Variants in FRMD4B observed in about 807,000 individuals in gnomAD.
The protein encoded by FRMD4B is FERM domain-containing protein 4B.
A neutral mutation model predicts 141.5 loss-of-function variants in FRMD4B; 74 were observed. That is an observed-to-expected ratio of 0.52 (90% CI 0.43 to 0.63). The LOEUF is 0.63. Ranked by LOEUF, FRMD4B falls within the 30% of genes least tolerant of loss-of-function variation. The pLI is 0.00. For missense variants in FRMD4B, 1,366 were observed against 1,253.4 expected (o/e 1.09, Z -1.36); for synonymous variants, 506 against 467.9 (o/e 1.08, Z -1.05).
intron 8 of FRMD4B, among the ~76,000 whole-genome samples, chr3:69,224,018 G>A (rs1299374385): frequency 6.6e-6 from 1 of 151,914 alleles, no homozygotes; most frequent in Non-Finnish European, 1.5e-5. Context: ...ACATTTTAGT[G>A]GAAAGAAAAA....
chr3:69,254,394 C>A (rs1310819558), intron 5 of FRMD4B, among the ~76,000 whole-genome samples: 1 of 152,108 alleles, frequency 6.6e-6, no homozygotes, highest in African/African-American at 2.4e-5. Flanking sequence ...CAGGCGTGAG[C>A]CACCGTACCC....
chr3:69,425,409 A>G (rs1204517448), intron 2 of FRMD4B, among the ~76,000 whole-genome samples: 1 of 152,208 alleles, frequency 6.6e-6, no homozygotes, highest in Non-Finnish European at 1.5e-5. Context: ...ACCTGAAACT[A>G]GTGCTAGAAG....
At chr3:69,472,936 TTC>T (rs765936210) in intron 1 of FRMD4B, among the ~76,000 whole-genome samples, 2,749 of 117,926 alleles carry the variant, frequency 0.023, 163 homozygotes, top group African/African-American at 0.095. Flanking sequence ...TTTTTTTTTT[TTC>T]TTTTTTTTTT....
rs564246452 is a variant in FRMD4B at position 69,257,992 on chromosome 3, A to AT, written c.502-7894dup. 4.5e-3 allele frequency among the ~76,000 whole-genome samples: 674 copies of AT among 151,132 alleles called. 3 individuals carry two copies. Among genetic ancestry groups the AT allele is most frequent in the African/African-American group, 0.014 (595 of 41,266 alleles). On this transcript the variant is annotated intron_variant, in intron 5 of 22. Coordinates refer to ENST00000398540, the MANE Select transcript of FRMD4B (RefSeq NM_015123.3). ...CAGGTGCGTGCCACCACACCAGGCT[A>AT]TTTTTTTTTGTATTTTTAGTAGAGA...
chr3:69,373,754 T>C (rs1366520417), intron 1 of FRMD4B, among the ~76,000 whole-genome samples: 4 of 151,826 alleles, frequency 2.6e-5, no homozygotes, highest in African/African-American at 9.7e-5. Flanking sequence ...GCGCCTGGAG[T>C]CTTAGCTACT....
chr3:69,289,534 G>A (rs773313095), intron 4 of FRMD4B, among the ~76,000 whole-genome samples: 4 of 152,158 alleles, frequency 2.6e-5, no homozygotes, highest in African/African-American at 4.8e-5. Context: ...AGTGGCTCAC[G>A]CCTGTAATCC....
At chr3:69,451,568 C>T (rs1705498778) in intron 1 of FRMD4B, among the ~76,000 whole-genome samples, 1 of 152,162 alleles carries the variant, frequency 6.6e-6, no homozygotes, top group African/African-American at 2.4e-5. Context: ...GGTATCATGG[C>T]TTATCCACCC....
intron 11 of FRMD4B, chr3:69,199,419 A>T (rs2092944748): frequency 1.3e-5 from 2 of 152,266 alleles, no homozygotes; most frequent in African/African-American, 4.8e-5. Flanking sequence ...GCCTTCTCAA[A>T]GATGTTGATT....
chr3:69,469,952 T>G (rs1705860391), intron 1 of FRMD4B, among the ~76,000 whole-genome samples: 1 of 152,152 alleles, frequency 6.6e-6, no homozygotes, highest in African/African-American at 2.4e-5. Context: ...TGTTTCAGAT[T>G]AACAGCAGTA....
chr3:69,414,111 C>T (rs928387896), intron 2 of FRMD4B, among the ~76,000 whole-genome samples: 11 of 152,126 alleles, frequency 7.2e-5, no homozygotes, highest in Non-Finnish European at 1.2e-4. Flanking sequence ...AAATATCATA[C>T]AGCTGCATTT....
chr3:69,386,211 C>G (rs1704250450), upstream of FRMD4B: 2 of 480,806 alleles, frequency 4.2e-6, no homozygotes, highest in Non-Finnish European at 7.5e-6. Context: ...CACACAGAAG[C>G]CCAGTGTCCA....
At chr3:69,304,735 C>A (rs1021474426) in intron 3 of FRMD4B, among the ~76,000 whole-genome samples, 4 of 152,122 alleles carry the variant, frequency 2.6e-5, no homozygotes, top group African/African-American at 9.7e-5. Flanking sequence ...CCATTTTAGG[C>A]TGTAAATTCC....
At chr3:69,360,556 T>C (rs1333417206) in intron 1 of FRMD4B, among the ~76,000 whole-genome samples, 1 of 152,182 alleles carries the variant, frequency 6.6e-6, no homozygotes, top group Non-Finnish European at 1.5e-5. Context: ...AACCTACAGG[T>C]TCCTGTTCCA....
intron 7 of FRMD4B, among the ~76,000 whole-genome samples, chr3:69,227,390 G>A (rs1158065594): frequency 2.0e-5 from 3 of 152,212 alleles, no homozygotes; most frequent in Non-Finnish European, 4.4e-5. Flanking sequence ...TTAACCGGGT[G>A]CAGTGGCTTA....
At chr3:69,538,540 C>T (rs143077716) in intron 1 of FRMD4B, among the ~76,000 whole-genome samples, 265 of 152,232 alleles carry the variant, frequency 1.7e-3, no homozygotes, top group African/African-American at 5.9e-3. Context: ...CTGACACTTG[C>T]TGTCTTGTTA....
intron 4 of FRMD4B, among the ~76,000 whole-genome samples, chr3:69,292,602 C>T (rs1379511909): frequency 6.6e-6 from 1 of 152,170 alleles, no homozygotes; most frequent in East Asian, 1.9e-4. Flanking sequence ...ATCAGATTAC[C>T]AGCTTTCTGA....
At chr3:69,200,098 C>T (rs1261795760) in intron 11 of FRMD4B, among the ~76,000 whole-genome samples, 1 of 152,186 alleles carries the variant, frequency 6.6e-6, no homozygotes, top group East Asian at 1.9e-4. Context: ...CTGCAATGCA[C>T]TATCAGCAAA....
chr3:69,456,980 C>T (rs1705627787), intron 1 of FRMD4B, among the ~76,000 whole-genome samples: 1 of 152,198 alleles, frequency 6.6e-6, no homozygotes, highest in African/African-American at 2.4e-5. Flanking sequence ...AGTTTGCAGA[C>T]TCCTGCTTTA....
chr3:69,508,729 C>T (rs571953463), intron 1 of FRMD4B, among the ~76,000 whole-genome samples: 1 of 152,278 alleles, frequency 6.6e-6, no homozygotes, highest in African/African-American at 2.4e-5. Flanking sequence ...GAATAGGTTG[C>T]ATTATCTGGT....
Sources: gnomAD v4.1 joint callset for allele counts (sites outside exome capture counted in the v4.1 genomes callset) on GRCh38, gnomAD v4.1.1 for gene constraint, MANE v1.5 for transcripts, NCBI Gene and HGNC (gene_info 2026-07-23, HGNC 2026-07-21) for gene names.